The following KPNA3 variants were observed in gnomAD, a reference collection of about 807,000 sequenced individuals.
KPNA3 encodes karyopherin subunit alpha 3.
KPNA3 carries 13 observed loss-of-function variants against 73.8 expected under a neutral mutation model. That is an observed-to-expected ratio of 0.18 (90% CI 0.11 to 0.28). The LOEUF (loss-of-function observed/expected upper bound fraction) is 0.28. Ranked by LOEUF, KPNA3 falls within the 10% of genes least tolerant of loss-of-function variation. The pLI, the probability that KPNA3 is intolerant of heterozygous loss-of-function variation, is 1.00. For missense variants in KPNA3, 360 were observed against 618.1 expected, an observed-to-expected ratio of 0.58 and a Z score of 4.43; for synonymous variants, 186 against 206.9, an observed-to-expected ratio of 0.90 and a Z score of 0.87.
At chr13:49,789,254 T>C (rs879639503) in intron 1 of KPNA3, among the ~76,000 whole-genome samples, 2 of 152,178 alleles carry the variant, frequency 1.3e-5, no homozygotes, top group Admixed American at 1.3e-4. Context: ...TTTAATATAA[T>C]CACTCTTCTT....
chr13:49,740,402 T>G (rs1954562809), intron 2 of KPNA3, among the ~76,000 whole-genome samples: 1 of 152,148 alleles, frequency 6.6e-6, no homozygotes, highest in Non-Finnish European at 1.5e-5. Flanking sequence ...TTGGCTGTAT[T>G]CCCACCCAAA....
intron 1 of KPNA3, among the ~76,000 whole-genome samples, chr13:49,772,617 A>C (rs554504290): frequency 5.9e-5 from 9 of 152,302 alleles, no homozygotes; most frequent in African/African-American, 2.2e-4. Context: ...AGCCTGGCCA[A>C]CGTGGTGAAA....
chr13:49,719,379 C>G (rs1954333962), intron 10 of KPNA3, among the ~76,000 whole-genome samples: 1 of 151,214 alleles, frequency 6.6e-6, no homozygotes, highest in Admixed American at 6.6e-5. Flanking sequence ...GTCATTTAAT[C>G]TCTCTCTGAG....
chr13:49,762,901 G>T (rs563250013), intron 1 of KPNA3, among the ~76,000 whole-genome samples: 16 of 121,866 alleles, frequency 1.3e-4, no homozygotes, highest in Non-Finnish European at 2.5e-4. Flanking sequence ...AATAAATAAA[G>T]TTTACACCAA....
intron 15 of KPNA3, among the ~76,000 whole-genome samples, chr13:49,702,872 T>C (rs1013528972): frequency 6.6e-6 from 1 of 152,204 alleles, no homozygotes; most frequent in African/African-American, 2.4e-5. Flanking sequence ...CTAATCTATT[T>C]TTTTTTTGAG....
intron 1 of KPNA3, among the ~76,000 whole-genome samples, chr13:49,777,221 T>C (rs11843822): frequency 0.027 from 4,172 of 152,238 alleles, 193 homozygotes; most frequent in African/African-American, 0.094. Context: ...TAAAGAAAAA[T>C]AACAACAGTA....
At chr13:49,760,865 CAA>C (rs1217842040) in intron 1 of KPNA3, among the ~76,000 whole-genome samples, 8 of 152,016 alleles carry the variant, frequency 5.3e-5, no homozygotes. Flanking sequence ...CCAGATGGAA[CAA>C]AAAGAGGAGG....
chr13:49,727,738 A>T (rs535394307), intron 6 of KPNA3, among the ~76,000 whole-genome samples: 1 of 152,272 alleles, frequency 6.6e-6, no homozygotes, highest in South Asian at 2.1e-4. Context: ...TGAGGCACTA[A>T]GAGGGGTAAG....
intron 2 of KPNA3, among the ~76,000 whole-genome samples, chr13:49,739,030 G>GT (rs930205493): frequency 6.6e-6 from 1 of 152,138 alleles, no homozygotes; most frequent in African/African-American, 2.4e-5. Flanking sequence ...TCAGAAATGA[G>GT]TAACTGATAT....
chr13:49,729,970 G>A (rs543546957), intron 6 of KPNA3, among the ~76,000 whole-genome samples: 61 of 152,090 alleles, frequency 4.0e-4, no homozygotes, highest in Non-Finnish European at 7.9e-4. Flanking sequence ...CAGTCAATCT[G>A]GCTCCAAAGT....
intron 2 of KPNA3, among the ~76,000 whole-genome samples, chr13:49,743,909 T>G (rs1317906377): frequency 1.3e-5 from 2 of 152,226 alleles, no homozygotes; most frequent in Non-Finnish European, 2.9e-5. Context: ...TACTAATTAC[T>G]TAATTCCAAT....
At chr13:49,788,998 G>A (rs1955009585) in intron 1 of KPNA3, among the ~76,000 whole-genome samples, 1 of 152,138 alleles carries the variant, frequency 6.6e-6, no homozygotes, top group Admixed American at 6.6e-5. Context: ...ATTCCAGGTT[G>A]TAGCCATTCC....
intron 1 of KPNA3, among the ~76,000 whole-genome samples, chr13:49,768,542 G>A (rs573654453): frequency 7.0e-6 from 1 of 142,754 alleles, no homozygotes; most frequent in Admixed American, 7.0e-5. Flanking sequence ...TCTTCCTGCC[G>A]GCCTGTCTTC....
intron 10 of KPNA3, among the ~76,000 whole-genome samples, chr13:49,712,610 T>C (rs8000293): frequency 0.044 from 6,717 of 151,394 alleles, 471 homozygotes; most frequent in African/African-American, 0.15. Flanking sequence ...CTGAAAAAAA[T>C]ATGAAGAAAT....
chr13:49,722,844 A>AAG (rs1320142189), intron 7 of KPNA3, among the ~76,000 whole-genome samples: 1 of 150,820 alleles, frequency 6.6e-6, no homozygotes, highest in Non-Finnish European at 1.5e-5. Flanking sequence ...AAAAAAAAAA[A>AAG]AAAAAAAAGA....
chr13:49,707,339 T>C (rs1954217347), intron 12 of KPNA3, among the ~76,000 whole-genome samples: 2 of 152,314 alleles, frequency 1.3e-5, no homozygotes, highest in South Asian at 2.1e-4. Flanking sequence ...TTGTTAATAA[T>C]TGCTGAATCT....
rs546100840 is a variant in KPNA3 at position 49,705,881 on chromosome 13, T to G, written c.1210-98A>C. The G allele has an allele frequency of 2.3e-5, 27 of 1,178,598 alleles. No homozygotes were observed. The South Asian group carries it at 4.6e-4, about 20-fold the overall frequency. 73.0% of individuals were successfully genotyped at this position (1,178,598 alleles called of 1,614,324 possible). On this transcript the variant is annotated intron_variant, in intron 14 of 16. Coordinates refer to ENST00000261667, the MANE Select transcript of KPNA3 (RefSeq NM_002267.4). ...GGAAGGCTGAGGCAGGAGGCTATCT[T>G]GAGCCCAGGAGTTGGAGGCTGTAGT...
chr13:49,721,512 C>A (rs961880791), intron 9 of KPNA3, among the ~76,000 whole-genome samples: 1 of 151,992 alleles, frequency 6.6e-6, no homozygotes, highest in Non-Finnish European at 1.5e-5. Context: ...AAATATGGTA[C>A]GTTACTTTTA....
chr13:49,792,369 C>T lies in KPNA3; in HGVS notation c.69+69G>A, dbSNP rs879696053. 5 of 1,123,154 alleles carry T rather than the reference C, an allele frequency of 4.5e-6. No individual in the cohort carries two copies. In the South Asian group the frequency reaches 5.8e-5, roughly 13 times the overall value. The allele number at this position is 1,123,154 out of a possible 1,614,324, so 69.6% of individuals were successfully genotyped here. A position where few individuals can be genotyped will look rare whatever the true frequency, so the allele number is the denominator to read the frequency against. ...CCGACGAGAACCAGCCCGGCGCCGG[C>T]CCCCCGCCCCTCCCCGCGTCGCCGG... On this transcript the variant is annotated intron_variant, in intron 1 of 16. Coordinates refer to ENST00000261667, the MANE Select transcript of KPNA3 (RefSeq NM_002267.4).
Sources: gnomAD v4.1 joint callset for allele counts (sites outside exome capture counted in the v4.1 genomes callset) on GRCh38, gnomAD v4.1.1 for gene constraint, MANE v1.5 for transcripts, NCBI Gene and HGNC (gene_info 2026-07-23, HGNC 2026-07-21) for gene names.